Variants in KYAT3 observed in about 807,000 individuals in gnomAD.
KYAT3 encodes the protein kynurenine aminotransferase 3.
In KYAT3, 50 loss-of-function variants were observed where a neutral mutation model predicts 59.0. The observed-to-expected ratio is 0.85, with a 90% CI of 0.68 to 1.07. The LOEUF is 1.07. KYAT3 is among the 50% of genes least tolerant of loss of function. KYAT3 has a pLI of 0.00. For missense variants in KYAT3, 497 were observed against 533.3 expected (o/e 0.93, Z 0.67); for synonymous variants, 148 against 177.0 (o/e 0.84, Z 1.30).
At chr1:88,945,096 G>A (rs150888292) in intron 11 of KYAT3, among the ~76,000 whole-genome samples, 4,992 of 152,068 alleles carry the variant, frequency 0.033, 116 homozygotes, top group Non-Finnish European at 0.05. Flanking sequence ...CACCCGCCTC[G>A]GCCTCCCAAA....
intron 2 of KYAT3, among the ~76,000 whole-genome samples, chr1:88,975,397 C>T (rs1676742035): frequency 6.6e-6 from 1 of 152,148 alleles, no homozygotes; most frequent in African/African-American, 2.4e-5. Flanking sequence ...GTGATCTGCC[C>T]ACCTTGGCCT....
At chr1:88,963,635 T>A (rs902177290) in intron 5 of KYAT3, among the ~76,000 whole-genome samples, 2 of 152,240 alleles carry the variant, frequency 1.3e-5, no homozygotes, top group Non-Finnish European at 2.9e-5. Flanking sequence ...ACTACCATAG[T>A]GTTCCTCGTA....
downstream of KYAT3, among the ~76,000 whole-genome samples, chr1:88,932,627 G>T (rs1394984127): frequency 6.6e-6 from 1 of 151,820 alleles, no homozygotes; most frequent in Non-Finnish European, 1.5e-5. Context: ...CAAGTAGCTG[G>T]GACTATGGGA....
At chr1:88,982,038 G>T (rs567391476) in intron 2 of KYAT3, 1 of 979,126 alleles carries the variant, frequency 1.0e-6, no homozygotes, top group African/African-American at 1.8e-5. Flanking sequence ...ATTGTGGGAG[G>T]GGAAAGGGGA....
chr1:88,953,490 G>A (rs1473489138), intron 9 of KYAT3, among the ~76,000 whole-genome samples: 1 of 148,918 alleles, frequency 6.7e-6, no homozygotes, highest in Non-Finnish European at 1.5e-5. Context: ...AGGTTGCAGT[G>A]AGCTGAGATC....
chr1:88,990,291 A>ACAAACATAAAAAACAAACAAC (rs71292903), intron 1 of KYAT3, among the ~76,000 whole-genome samples: 1 of 122,518 alleles, frequency 8.2e-6, no homozygotes, highest in East Asian at 2.4e-4. Flanking sequence ...AAACAAACAA[A>ACAAACATAAAAAACAAACAAC]AAACACAAAA....
the KYAT3 span, chr1:88,923,808 C>G: frequency 4.6e-6 from 1 of 216,012 alleles, no homozygotes; most frequent in South Asian, 7.0e-5. Context: ...CAAAAGTATG[C>G]CCTCTATAGT....
chr1:88,940,503 G>A (rs1033213971), intron 13 of KYAT3, among the ~76,000 whole-genome samples: 2 of 152,034 alleles, frequency 1.3e-5, no homozygotes, highest in Non-Finnish European at 2.9e-5. Context: ...AGATAGATTT[G>A]CTGATTTGTA....
At chr1:88,961,980 A>C in intron 6 of KYAT3, 79 bp downstream of exon 6, 1 of 968,744 alleles carries the variant, frequency 1.0e-6, no homozygotes, top group Non-Finnish European at 1.7e-6. Context: ...TAGAAACTTT[A>C]TCATGACAAA....
downstream of KYAT3, among the ~76,000 whole-genome samples, chr1:88,933,160 T>A (rs913672435): frequency 4.6e-5 from 7 of 152,220 alleles, no homozygotes; most frequent in African/African-American, 1.4e-4. Flanking sequence ...CCCCCTTTAT[T>A]CTGCTCTAGT....
Position 88,988,270 on chromosome 1 carries a change from G to A in KYAT3, c.81C>T (p.Leu27=), listed in dbSNP as rs199699544. The change falls in exon 2 of 14, where the codon CTC becomes CTT. Residue 27 remains leucine (L), a synonymous_variant. Transcript: ENST00000260508. The part of the protein sequence containing the change: ...FLKTISSSKI[L]GFSTSAKMSL... ...TACCTACAGCAGAAGTAGAGAATCCGAGGATTTTGGAAGAAGAAATTGTCT... is the reference window on the plus strand; with the variant it reads ...TACCTACAGCAGAAGTAGAGAATCCAAGGATTTTGGAAGAAGAAATTGTCT... 5.8e-5 allele frequency: 94 copies of A among 1,612,880 alleles called. No individual in the cohort carries two copies. The highest frequency in any genetic ancestry group is 2.3e-4 in the South Asian group (21 of 90,978).
intron 2 of KYAT3, among the ~76,000 whole-genome samples, chr1:88,969,689 T>G (rs1676477601): frequency 6.6e-6 from 1 of 152,016 alleles, no homozygotes; most frequent in Non-Finnish European, 1.5e-5. Flanking sequence ...TTGCCCAGGC[T>G]GGAATGCAGT....
chr1:88,953,084 A>G lies in KYAT3; in HGVS notation c.933T>C (p.Tyr311=). 6.2e-7 allele frequency: 1 copy of G among 1,611,452 alleles called. No homozygotes were observed. Among genetic ancestry groups the G allele is most frequent in the Non-Finnish European group, 8.5e-7 (1 of 1,177,572 alleles). Residue 311 remains tyrosine (Y), a synonymous_variant, in exon 10 of 14, where the codon TAT becomes TAC. Transcript: ENST00000260508. ...HLQTVQQNTI[Y]TCATPLQEAL... Reference sequence around the variant, plus strand: ...TTACCTGTAAAGGAGTTGCACAAGTATAAATCGTGTTTTGTTGAACTGTCT... The same window carrying G: ...TTACCTGTAAAGGAGTTGCACAAGTGTAAATCGTGTTTTGTTGAACTGTCT...
At chr1:88,965,129 A>AT (rs1676297469) in intron 4 of KYAT3, 151 bp from the exon 5 acceptor site, 1 of 588,668 alleles carries the variant, frequency 1.7e-6, no homozygotes, top group African/African-American at 2.0e-5. Context: ...ATGGCAATAA[A>AT]TTTTTTAAAA....
intron 1 of KYAT3, among the ~76,000 whole-genome samples, chr1:88,989,536 G>A (rs1448276363): frequency 2.0e-5 from 3 of 152,150 alleles, no homozygotes; most frequent in Non-Finnish European, 2.9e-5. Context: ...TGATTATGGC[G>A]CAGCTGTCCC....
the KYAT3 span, among the ~76,000 whole-genome samples, chr1:88,929,273 G>A: frequency 1.4e-4 from 21 of 152,202 alleles, no homozygotes; most frequent in Non-Finnish European, 1.9e-4. Context: ...GGACAGTGGA[G>A]GTTAGTGCAA....
At chr1:88,989,500 C>A (rs1180705699) in intron 1 of KYAT3, among the ~76,000 whole-genome samples, 1 of 152,120 alleles carries the variant, frequency 6.6e-6, no homozygotes, top group Non-Finnish European at 1.5e-5. Context: ...AACCCTCTAA[C>A]GACATAAAGA....
In KYAT3 at chr1:88,968,899, A is replaced by G. The variant is rs1477701611; in HGVS notation, c.159-85T>C. On this transcript the variant is annotated intron_variant, in intron 3 of 13. Transcript: ENST00000260508. ...ATATCTTATAGTCTTACCACAAAAC[A>G]GACAAATAAGACCCTAGTTTAGTCC... 3.1e-6 allele frequency: 3 copies of G among 983,332 alleles called. No homozygotes were observed. The East Asian group carries it at 9.0e-5, about 30-fold the overall frequency. The allele number at this position is 983,332 out of a possible 1,614,324, so 60.9% of individuals were successfully genotyped here.
Position 88,961,920 on chromosome 1 carries a change from GACA to G in KYAT3, c.540+136_540+138del, listed in dbSNP as rs1201007518. 3 of 653,902 alleles carry G rather than the reference GACA, an allele frequency of 4.6e-6. No homozygotes were observed. In the African/African-American group the frequency reaches 5.5e-5, roughly 12 times the overall value. The allele number at this position is 653,902 out of a possible 1,614,324, so 40.5% of individuals were successfully genotyped here. On this transcript the variant is annotated intron_variant, in intron 6 of 13. Transcript: ENST00000260508. ...ACTTATGTTAAAAATATTTTAAAAA[GACA>G]ACTAGACAAATAGAGATATACAGGA...
Sources: allele counts gnomAD v4.1 joint callset (sites outside exome capture counted in the v4.1 genomes callset), GRCh38; gene constraint gnomAD v4.1.1; transcripts MANE v1.5; gene names NCBI Gene and HGNC (gene_info 2026-07-23, HGNC 2026-07-21).